The following TDRD12 variants were observed in gnomAD, a reference collection of about 807,000 sequenced individuals.
The protein encoded by TDRD12 is tudor domain containing 12, also known as putative ATP-dependent RNA helicase TDRD12.
In TDRD12, 158 loss-of-function variants were observed where a neutral mutation model predicts 133.5. The ratio of observed to expected loss-of-function variants is 1.18; its 90% confidence interval spans 1.04 to 1.35. TDRD12 has a LOEUF of 1.35. Among genes scored for constraint, TDRD12 ranks in the 40% most tolerant of loss-of-function variants. The pLI is 0.00. For missense variants in TDRD12, 1,443 were observed against 1,321.3 expected (o/e 1.09, Z -1.43); for synonymous variants, 460 against 477.9 (o/e 0.96, Z 0.49).
intron 14 of TDRD12, among the ~76,000 whole-genome samples, chr19:32,795,741 C>T (rs1490498366): frequency 2.0e-5 from 3 of 152,182 alleles, no homozygotes; most frequent in Non-Finnish European, 2.9e-5. Flanking sequence ...CAGGCTGGAG[C>T]GGAAGCATGA....
downstream of TDRD12, among the ~76,000 whole-genome samples, chr19:32,822,750 A>AAAAG (rs906045385): frequency 3.3e-5 from 5 of 151,892 alleles, no homozygotes; most frequent in African/African-American, 1.2e-4. Context: ...CCATCTCAAA[A>AAAAG]AAAAAAAGAT....
intron 8 of TDRD12, among the ~76,000 whole-genome samples, chr19:32,762,685 G>A (rs542189580): frequency 6.6e-6 from 1 of 152,282 alleles, no homozygotes; most frequent in East Asian, 1.9e-4. Context: ...CTGGCCCCTC[G>A]ACTCTGATTT....
intron 11 of TDRD12, among the ~76,000 whole-genome samples, chr19:32,781,687 T>TTCTCTCTCTCTC (rs35069423): frequency 1.3e-4 from 20 of 148,380 alleles, no homozygotes; most frequent in African/African-American, 4.9e-4. Context: ...TCCTTTCCTT[T>TTCTCTCTCTCTC]TCTCTCTCTC....
At chr19:32,757,188 T>C in intron 8 of TDRD12, 58 bp downstream of exon 8, 1 of 1,373,418 alleles carries the variant, frequency 7.3e-7, no homozygotes, top group Non-Finnish European at 1.0e-6. Context: ...ATTCTTAGCT[T>C]TTTAAAGATT....
At chr19:32,721,915 A>ACCAT (rs1469984730) in intron 1 of TDRD12, among the ~76,000 whole-genome samples, 1 of 143,570 alleles carries the variant, frequency 7.0e-6, no homozygotes, top group African/African-American at 2.6e-5. Context: ...ACGGGGTTTC[A>ACCAT]CCATGTTAGC....
At chr19:32,826,202 A>G (rs1490817516), downstream of TDRD12, 1 of 1,515,888 alleles carries the variant, frequency 6.6e-7, no homozygotes, top group Non-Finnish European at 8.8e-7. Flanking sequence ...TCCCTTACCC[A>G]GTTAATAAGA....
chr19:32,798,245 C>T, intron 15 of TDRD12, 63 bp from the exon 16 acceptor site: 1 of 1,476,424 alleles, frequency 6.8e-7, no homozygotes, highest in Non-Finnish European at 9.1e-7. Context: ...GGACTCTTAG[C>T]AGAGGAAATC....
chr19:32,807,005 C>T (rs1456880185), intron 21 of TDRD12, among the ~76,000 whole-genome samples: 2 of 152,032 alleles, frequency 1.3e-5, no homozygotes, highest in African/African-American at 2.4e-5. Flanking sequence ...TATTTCTCAA[C>T]GTGGAAGCAG....
intron 10 of TDRD12, among the ~76,000 whole-genome samples, chr19:32,774,625 C>A (rs1173536022): frequency 6.6e-6 from 1 of 152,146 alleles, no homozygotes; most frequent in African/African-American, 2.4e-5. Context: ...GCCTTTGTTC[C>A]TCTGCTGTTT....
chr19:32,727,823 C>T (rs1410293877), intron 1 of TDRD12, among the ~76,000 whole-genome samples: 1 of 152,150 alleles, frequency 6.6e-6, no homozygotes, highest in Non-Finnish European at 1.5e-5. Context: ...CATGTACCAC[C>T]ACACCCGGCT....
chr19:32,800,560 A>C, intron 17 of TDRD12, 84 bp from the exon 18 acceptor site: 1 of 1,182,844 alleles, frequency 8.5e-7, no homozygotes, highest in Non-Finnish European at 1.1e-6. Context: ...ATTCTTTTCT[A>C]TTAAAATCCC....
At chr19:32,723,285 CTG>C (rs566381461) in intron 1 of TDRD12, among the ~76,000 whole-genome samples, 2 of 151,796 alleles carry the variant, frequency 1.3e-5, no homozygotes, top group South Asian at 4.2e-4. Context: ...GAGTCTTGCT[CTG>C]TCCCCCAGGC....
chr19:32,730,020 G>C (rs1008414664), intron 1 of TDRD12, among the ~76,000 whole-genome samples: 2 of 151,780 alleles, frequency 1.3e-5, no homozygotes, highest in African/African-American at 2.4e-5. Context: ...TCGATCTCCT[G>C]ACCTCGTGAT....
At chr19:32,805,279 A>G (rs553272730) in intron 21 of TDRD12, among the ~76,000 whole-genome samples, 1 of 150,048 alleles carries the variant, frequency 6.7e-6, no homozygotes, top group East Asian at 1.9e-4. Context: ...GCTACTCAGG[A>G]GCCTTGGGTA....
chr19:32,742,320 C>G (rs1472871812), intron 3 of TDRD12, among the ~76,000 whole-genome samples: 1 of 152,112 alleles, frequency 6.6e-6, no homozygotes, highest in African/African-American at 2.4e-5. Flanking sequence ...CCACGCCCAC[C>G]TAATTTTTTG....
In TDRD12 at chr19:32,760,452, GGCTAATACTTGATTT is replaced by G. The variant is rs546845564; in HGVS notation, c.865+3337_865+3351del. Among the ~76,000 whole-genome samples the G allele has an allele frequency of 4.3e-4, 66 of 152,136 alleles. No homozygotes were observed. In the East Asian group the frequency reaches 0.012, roughly 28 times the overall value. ...TTTTGAGAATCAAAGTATAATACTT[GGCTAATACTTGATTT>G]GCTAATACTTGATTAAACAATCACA... On this transcript the variant is annotated intron_variant, in intron 8 of 27. Transcript: ENST00000444215.
intron 11 of TDRD12, among the ~76,000 whole-genome samples, chr19:32,787,596 G>A (rs773450038): frequency 2.4e-4 from 36 of 152,180 alleles, no homozygotes; most frequent in Non-Finnish European, 2.1e-4. Context: ...GAGCTTCCCC[G>A]CTGCTTTGTT....
chr19:32,753,186 A>T (rs1325676331), intron 6 of TDRD12, among the ~76,000 whole-genome samples: 1 of 152,174 alleles, frequency 6.6e-6, no homozygotes, highest in African/African-American at 2.4e-5. Context: ...TGCTTGTTCC[A>T]ACTGGGGTGT....
chr19:32,760,786 G>A (rs1451298133), intron 8 of TDRD12, among the ~76,000 whole-genome samples: 1 of 152,142 alleles, frequency 6.6e-6, no homozygotes, highest in Non-Finnish European at 1.5e-5. Flanking sequence ...GGGAAACAAA[G>A]TCTGTGCTTC....
Sources: gnomAD v4.1 joint callset for allele counts (sites outside exome capture counted in the v4.1 genomes callset) on GRCh38, gnomAD v4.1.1 for gene constraint, MANE v1.5 for transcripts, NCBI Gene and HGNC (gene_info 2026-07-23, HGNC 2026-07-21) for gene names.